SCN10A: variants seen among roughly 807,000 people sequenced by gnomAD.
SCN10A encodes sodium channel protein type 10 subunit alpha.
In SCN10A, 162 loss-of-function variants were observed where a neutral mutation model predicts 170.7. The ratio of observed to expected loss-of-function variants is 0.95; its 90% confidence interval spans 0.84 to 1.08. SCN10A has a LOEUF of 1.08. SCN10A is among the 50% of genes least tolerant of loss of function. SCN10A has a pLI of 0.00. For synonymous variants in SCN10A, 985 were observed against 904.6 expected (o/e 1.09, Z -1.59); for missense variants, 2,527 against 2,436.9 (o/e 1.04, Z -0.78).
In SCN10A at chr3:38,752,530, G is replaced by T. The variant is rs1202916940; in HGVS notation, c.1462-18C>A. The T allele has an allele frequency of 6.6e-7, 1 of 1,521,708 alleles. No homozygotes were observed. Among genetic ancestry groups the T allele is most frequent in the African/African-American group, 1.4e-5 (1 of 71,460 alleles). The allele number at this position is 1,521,708 out of a possible 1,614,324, so 94.3% of individuals were successfully genotyped here. ...AGAAAAGACTGGGCATTGCCCCAAAGGAGCAAGAAGGCTGGAAACTGGTCC... is the reference window on the plus strand; with the variant it reads ...AGAAAAGACTGGGCATTGCCCCAAATGAGCAAGAAGGCTGGAAACTGGTCC... On this transcript the variant is annotated intron_variant, in intron 11 of 27. Transcript: ENST00000449082.
At chr3:38,721,284 C>T (rs1373305257) in intron 20 of SCN10A, among the ~76,000 whole-genome samples, 1 of 152,194 alleles carries the variant, frequency 6.6e-6, no homozygotes, top group African/African-American at 2.4e-5. Context: ...AGCCGTGAAT[C>T]GGAAGAGCGG....
chr3:38,757,627 A>G (rs905438690), intron 8 of SCN10A, among the ~76,000 whole-genome samples: 1 of 152,210 alleles, frequency 6.6e-6, no homozygotes, highest in Non-Finnish European at 1.5e-5. Flanking sequence ...CTCTCCCTTT[A>G]AGTGCTTTAC....
chr3:38,808,266 A>G (rs1370823334), intron 1 of SCN10A, among the ~76,000 whole-genome samples: 1 of 151,812 alleles, frequency 6.6e-6, no homozygotes, highest in Admixed American at 6.6e-5. Flanking sequence ...TCTCTCAGCA[A>G]TGCTTTTGTC....
At chr3:38,777,279 A>T (rs961032885) in intron 4 of SCN10A, among the ~76,000 whole-genome samples, 1 of 152,132 alleles carries the variant, frequency 6.6e-6, no homozygotes, top group Non-Finnish European at 1.5e-5. Flanking sequence ...GGGAATCTAC[A>T]GAAAAATTTA....
chr3:38,798,324 C>T (rs750982563), intron 1 of SCN10A, among the ~76,000 whole-genome samples: 9 of 152,120 alleles, frequency 5.9e-5, no homozygotes, highest in Non-Finnish European at 1.2e-4. Flanking sequence ...GAACTTACTT[C>T]AGTGGCCAGA....
intron 15 of SCN10A, among the ~76,000 whole-genome samples, chr3:38,733,075 A>G (rs1214440229): frequency 6.6e-6 from 1 of 152,326 alleles, no homozygotes; most frequent in African/African-American, 2.4e-5. Context: ...ATAAAGAACA[A>G]TTGAGAACTT....
At chr3:38,815,559 C>T (rs2064469513) in intron 1 of SCN10A, among the ~76,000 whole-genome samples, 1 of 152,210 alleles carries the variant, frequency 6.6e-6, no homozygotes, top group Non-Finnish European at 1.5e-5. Context: ...AAACGTCTTG[C>T]TGAAGCTGTG....
chr3:38,777,447 G>A (rs943861136), intron 4 of SCN10A, among the ~76,000 whole-genome samples: 31 of 151,970 alleles, frequency 2.0e-4, no homozygotes, highest in African/African-American at 7.5e-4. Context: ...TATTAAAGAA[G>A]ACCTGTATAA....
intron 15 of SCN10A, among the ~76,000 whole-genome samples, chr3:38,734,572 A>C (rs1049735835): frequency 6.6e-6 from 1 of 152,246 alleles, no homozygotes; most frequent in Admixed American, 6.5e-5. Context: ...CACCACTTTA[A>C]CAGATTGAAG....
At chr3:38,722,593 C>T (rs1229844132) in intron 19 of SCN10A, among the ~76,000 whole-genome samples, 181 bp from the exon 20 acceptor site, 1 of 152,212 alleles carries the variant, frequency 6.6e-6, no homozygotes, top group Non-Finnish European at 1.5e-5. Flanking sequence ...TCCAGACCAA[C>T]AGGTGTTCCT....
chr3:38,706,930 A>G (rs1251574888), intron 26 of SCN10A, among the ~76,000 whole-genome samples: 2 of 152,156 alleles, frequency 1.3e-5, no homozygotes, highest in Non-Finnish European at 2.9e-5. Context: ...ACCATGATAC[A>G]TAACCACACA....
chr3:38,749,040 T>C (rs1025014697), intron 13 of SCN10A, among the ~76,000 whole-genome samples: 1 of 152,234 alleles, frequency 6.6e-6, no homozygotes, highest in African/African-American at 2.4e-5. Context: ...GCATATCTGG[T>C]AAATTACTGG....
chr3:38,739,431 G>A (rs2063605207), intron 15 of SCN10A, 84 bp downstream of exon 15: 3 of 1,230,234 alleles, frequency 2.4e-6, no homozygotes. Context: ...GGAAGGGGGA[G>A]CTGGCTGGTG....
At chr3:38,731,509 C>A (rs1010347350) in intron 15 of SCN10A, among the ~76,000 whole-genome samples, 7 of 152,096 alleles carry the variant, frequency 4.6e-5, no homozygotes. Flanking sequence ...AAACTGTGTT[C>A]CAAAGAGTAA....
In SCN10A at chr3:38,765,723, A is replaced by G. The variant is rs188134250; in HGVS notation, c.600-2127T>C. 2.6e-5 allele frequency among the ~76,000 whole-genome samples: 4 copies of G among 151,942 alleles called. No homozygotes were observed. In the East Asian group the frequency reaches 7.7e-4, roughly 29 times the overall value. ...GTGGATTCCTTTTTGGTTCCCTATGAATTTTAGGGTTGTTATTTCTATTTC... is the reference window on the plus strand; with the variant it reads ...GTGGATTCCTTTTTGGTTCCCTATGGATTTTAGGGTTGTTATTTCTATTTC... On this transcript the variant is annotated intron_variant, in intron 5 of 27. Transcript: ENST00000449082.
intron 26 of SCN10A, among the ~76,000 whole-genome samples, chr3:38,704,385 T>C: frequency 6.6e-6 from 1 of 152,114 alleles, no homozygotes; most frequent in Non-Finnish European, 1.5e-5. Context: ...TCACATGACT[T>C]CTAATTAAAC....
chr3:38,806,262 T>G (rs937338031), intron 1 of SCN10A, among the ~76,000 whole-genome samples: 4 of 152,174 alleles, frequency 2.6e-5, no homozygotes, highest in African/African-American at 9.7e-5. Flanking sequence ...CAAACGAAGA[T>G]GAGGAGGATA....
chr3:38,739,531 A>T lies in SCN10A; in HGVS notation c.2264T>A (p.Leu755Gln). ...GVAKKGSLSV[L>Q]RSFRLLRVFK... ...AAACATTACCAAGCGGAAGCTCCGC[A>T]GCACAGACAGGCTTCCCTTCTTGGC... The change falls in exon 15 of 28, where the codon CTG (leucine) becomes CAG (glutamine). Residue 755 changes from leucine (L) to glutamine (Q), a missense_variant. Physicochemically the swap from Leu to Gln is moderately radical, Grantham distance 113. Transcript: ENST00000449082. 1.9e-6 allele frequency: 3 copies of T among 1,613,878 alleles called. No homozygotes were observed. The highest frequency in any genetic ancestry group is 2.5e-6 in the Non-Finnish European group (3 of 1,179,906).
intron 13 of SCN10A, among the ~76,000 whole-genome samples, chr3:38,745,190 G>C (rs2063673594): frequency 6.6e-6 from 1 of 152,194 alleles, no homozygotes; most frequent in Non-Finnish European, 1.5e-5. Context: ...TGATTGCAGA[G>C]ACACAGAGAC....
Sources: gnomAD v4.1 joint callset for allele counts (sites outside exome capture counted in the v4.1 genomes callset) on GRCh38, gnomAD v4.1.1 for gene constraint, MANE v1.5 for transcripts, NCBI Gene and HGNC (gene_info 2026-07-23, HGNC 2026-07-21) for gene names.